TACC2: variants seen among roughly 807,000 people sequenced by gnomAD.
The protein encoded by TACC2 is transforming acidic coiled-coil-containing protein 2.
TACC2 carries 137 observed loss-of-function variants against 227.3 expected under a neutral mutation model. The ratio of observed to expected loss-of-function variants is 0.60; its 90% CI spans 0.52 to 0.69. The LOEUF (loss-of-function observed/expected upper bound fraction) is 0.69, where lower values mean the gene tolerates loss of function less well. Among genes scored for constraint, TACC2 ranks in the 30% least tolerant of loss-of-function variants. The pLI, the probability that TACC2 is intolerant of heterozygous loss-of-function variation, is 0.00. For synonymous variants in TACC2, 1,523 were observed against 1,487.5 expected, an observed-to-expected ratio of 1.02 and a Z score of -0.55; for missense variants, 3,470 against 3,694.4, an observed-to-expected ratio of 0.94 and a Z score of 1.57.
chr10:122,043,614 C>T (rs1244774730), intron 2 of TACC2, among the ~76,000 whole-genome samples: 1 of 151,436 alleles, frequency 6.6e-6, no homozygotes, highest in Non-Finnish European at 1.5e-5. Flanking sequence ...CAGAGTCTCA[C>T]TCTGTTGCCA....
rs756815559 is a variant in TACC2 at position 122,086,547 on chromosome 10, A to G, written c.4047A>G (p.Thr1349=). ...CAACAGGGGAAGAGAAAGCAGCAAC[A>G]GCTCCAGGTGCAGGTGCCAAGGCCA... The part of the protein sequence containing the change: ...KQATGEEKAA[T]APGAGAKASG... The change falls in exon 4 of 23, where the codon ACA becomes ACG. Residue 1349 remains threonine, a synonymous_variant. Coordinates refer to ENST00000369005, the MANE Select transcript of TACC2 (RefSeq NM_206862.4). The G allele has an allele frequency of 5.0e-6, 8 of 1,607,586 alleles. No individual in the cohort carries two copies. Among genetic ancestry groups the G allele is most frequent in the Non-Finnish European group, 6.8e-6 (8 of 1,176,780 alleles).
Position 122,224,747 on chromosome 10 carries a change from A to T in TACC2, c.7568A>T (p.Tyr2523Phe). 6.2e-7 allele frequency: 1 copy of T among 1,614,036 alleles called. No individual in the cohort carries two copies. Among genetic ancestry groups the T allele is most frequent in the Non-Finnish European group, 8.5e-7 (1 of 1,179,996 alleles). The change falls in exon 12 of 23, where the codon TAT becomes TTT. Residue 2523 changes from tyrosine to phenylalanine, a missense_variant. Transcript: ENST00000369005. ...PTEELDYRNS[Y>F]EIEYMEKIGS... ...GCAGAGTTGGATTACAGAAACTCCTATGAAATTGAATATATGGAGAAAATT... is the reference window on the plus strand; with the variant it reads ...GCAGAGTTGGATTACAGAAACTCCTTTGAAATTGAATATATGGAGAAAATT...
chr10:122,134,012 A>G (rs1427708065), intron 6 of TACC2, among the ~76,000 whole-genome samples: 1 of 152,004 alleles, frequency 6.6e-6, no homozygotes, highest in African/African-American at 2.4e-5. Flanking sequence ...GCACCAAGAC[A>G]CCTCTTCAAA....
chr10:122,202,694 G>T, intron 8 of TACC2, among the ~76,000 whole-genome samples: 1 of 117,618 alleles, frequency 8.5e-6, no homozygotes, highest in Non-Finnish European at 2.0e-5. Flanking sequence ...TCATTCTTGG[G>T]TGTTTCTCGG....
chr10:122,228,325 G>C (rs535904909), intron 14 of TACC2, among the ~76,000 whole-genome samples: 1 of 152,180 alleles, frequency 6.6e-6, no homozygotes, highest in Non-Finnish European at 1.5e-5. Flanking sequence ...GTCCTCTGCC[G>C]CTTCGTCCTT....
Position 122,085,923 on chromosome 10 carries a change from A to G in TACC2, c.3423A>G (p.Pro1141=), listed in dbSNP as rs776235670. Residue 1141 remains proline, a synonymous_variant, in exon 4 of 23, where the codon CCA becomes CCG. Coordinates refer to ENST00000369005, the MANE Select transcript of TACC2 (RefSeq NM_206862.4). ...ETGGSAGAGD[P]GKQQAPEKPG... ...GTGGCAGCGCTGGTGCAGGAGACCC[A>G]GGAAAGCAGCAGGCTCCGGAGAAAC... 18 of 1,613,224 alleles carry G rather than the reference A, an allele frequency of 1.1e-5. No individual in the cohort carries two copies. Among genetic ancestry groups the G allele is most frequent in the Admixed American group, 1.0e-4 (6 of 59,958 alleles).
chr10:122,035,608 A>G (rs1203927532), intron 2 of TACC2, among the ~76,000 whole-genome samples: 2 of 152,156 alleles, frequency 1.3e-5, no homozygotes, highest in Non-Finnish European at 2.9e-5. Context: ...TTGCAGTAAA[A>G]TATATATAAC....
intron 7 of TACC2, among the ~76,000 whole-genome samples, chr10:122,187,192 G>A (rs1359547987): frequency 6.6e-6 from 1 of 152,226 alleles, no homozygotes; most frequent in East Asian, 1.9e-4. Flanking sequence ...ACACATGTAT[G>A]CACACCCACA....
chr10:122,164,951 G>A (rs1003523653), intron 7 of TACC2, among the ~76,000 whole-genome samples: 3 of 152,134 alleles, frequency 2.0e-5, no homozygotes, highest in African/African-American at 7.2e-5. Context: ...GGGCCCCGGG[G>A]GGTACTTCCT....
At chr10:122,249,199 C>T (rs368106258) in intron 21 of TACC2, 43 bp downstream of exon 21, 1 of 1,478,046 alleles carries the variant, frequency 6.8e-7, no homozygotes, top group South Asian at 1.2e-5. Flanking sequence ...GGCCTCCCAG[C>T]AGCCCTTTTA....
At chr10:122,203,397 C>T (rs1224205403) in intron 8 of TACC2, among the ~76,000 whole-genome samples, 2 of 149,406 alleles carry the variant, frequency 1.3e-5, no homozygotes, top group East Asian at 2.0e-4. Flanking sequence ...CCGGACGGGG[C>T]GGCTGGCTGG....
chr10:122,247,452 G>A (rs896222762), intron 19 of TACC2: 1 of 152,230 alleles, frequency 6.6e-6, no homozygotes, highest in African/African-American at 2.4e-5. Flanking sequence ...AGAGCAAATG[G>A]TTCCTCACCC....
intron 16 of TACC2, among the ~76,000 whole-genome samples, chr10:122,231,604 C>A (rs943100623): frequency 6.6e-6 from 1 of 152,176 alleles, no homozygotes; most frequent in Non-Finnish European, 1.5e-5. Context: ...GGATCCGGGT[C>A]CCATTTTACA....
At chr10:122,040,264 G>T (rs1272490073) in intron 2 of TACC2, among the ~76,000 whole-genome samples, 1 of 152,158 alleles carries the variant, frequency 6.6e-6, no homozygotes, top group Non-Finnish European at 1.5e-5. Flanking sequence ...CAGCCAAGGG[G>T]GGCATCACCT....
At chr10:122,176,743 G>A (rs1189149562) in intron 7 of TACC2, among the ~76,000 whole-genome samples, 1 of 152,182 alleles carries the variant, frequency 6.6e-6, no homozygotes, top group Non-Finnish European at 1.5e-5. Flanking sequence ...CACCCACCTA[G>A]GTTCTTTGGC....
At chr10:122,014,564 C>T (rs994100907) in intron 1 of TACC2, among the ~76,000 whole-genome samples, 1 of 152,170 alleles carries the variant, frequency 6.6e-6, no homozygotes, top group African/African-American at 2.4e-5. Context: ...CTCTCCACCC[C>T]ATGCTCAGTG....
At chr10:122,193,539 G>GCACA (rs913605128) in intron 7 of TACC2, among the ~76,000 whole-genome samples, 3 of 152,154 alleles carry the variant, frequency 2.0e-5, no homozygotes, top group African/African-American at 7.2e-5. Flanking sequence ...GCAGCTTGGT[G>GCACA]CACACACTGT....
At chr10:122,220,637 G>A (rs895104668) in intron 11 of TACC2, among the ~76,000 whole-genome samples, 1 of 152,224 alleles carries the variant, frequency 6.6e-6, no homozygotes, top group African/African-American at 2.4e-5. Context: ...TGTGATGTGA[G>A]ACTTACACTA....
chr10:122,238,135 G>A, intron 18 of TACC2, 98 bp downstream of exon 18: 1 of 892,248 alleles, frequency 1.1e-6, no homozygotes, highest in East Asian at 2.5e-5. Flanking sequence ...AGTGTCTTCT[G>A]TGGAAGTTCT....
Sources: gnomAD v4.1 joint callset for allele counts (sites outside exome capture counted in the v4.1 genomes callset) on GRCh38, gnomAD v4.1.1 for gene constraint, MANE v1.5 for transcripts, NCBI Gene and HGNC (gene_info 2026-07-23, HGNC 2026-07-21) for gene names.